The following GLDC variants were observed in gnomAD, a reference collection of about 807,000 sequenced individuals.
The protein encoded by GLDC is glycine dehydrogenase (decarboxylating), mitochondrial.
A neutral mutation model predicts 121.3 loss-of-function variants in GLDC; 104 were observed. The observed-to-expected ratio is 0.86, with a 90% CI of 0.73 to 1.01. The LOEUF (loss-of-function observed/expected upper bound fraction) is 1.01, where lower values mean the gene tolerates loss of function less well. Ranked by LOEUF, GLDC falls within the 50% of genes least tolerant of loss-of-function variation. The probability of loss-of-function intolerance (pLI) is 0.00; values close to 1 mark genes in which losing one functional copy is unlikely to be tolerated. For missense variants in GLDC, 1,429 were observed against 1,306.6 expected (o/e 1.09, Z -1.44); for synonymous variants, 546 against 480.6 (o/e 1.14, Z -1.78).
chr9:6,615,064 T>G (rs889065539), intron 3 of GLDC, among the ~76,000 whole-genome samples: 1 of 152,158 alleles, frequency 6.6e-6, no homozygotes, highest in Non-Finnish European at 1.5e-5. Context: ...TGAACTGGGA[T>G]AAATAACTAA....
At chr9:6,636,395 A>C (rs1819503379) in intron 2 of GLDC, among the ~76,000 whole-genome samples, 1 of 151,902 alleles carries the variant, frequency 6.6e-6, no homozygotes, top group Non-Finnish European at 1.5e-5. Context: ...ATAATGGGAG[A>C]CTCTACGCTT....
chr9:6,533,633 C>T (rs1817047397), intron 24 of GLDC, among the ~76,000 whole-genome samples: 1 of 151,958 alleles, frequency 6.6e-6, no homozygotes, highest in Non-Finnish European at 1.5e-5. Context: ...CCAAGGCAGG[C>T]AGATCAGCTG....
Position 6,619,229 on chromosome 9 carries a change from C to T in GLDC, c.470+955G>A, listed in dbSNP as rs1819030800. Among the ~76,000 whole-genome samples the T allele has an allele frequency of 4.9e-5, 7 of 144,064 alleles. No individual in the cohort carries two copies. In the South Asian group the frequency reaches 1.6e-3, roughly 32 times the overall value. The allele number at this position is 144,064 out of a possible 152,430, so 94.5% of individuals were successfully genotyped here. A position where few individuals can be genotyped will look rare whatever the true frequency, so the allele number is the denominator to read the frequency against. ...GTTGAGGTAAGACTGGAATAAGTAA[C>T]TGAGCATGCATAGCTCAGGCCTCTC... On this transcript the variant is annotated intron_variant, in intron 3 of 24. Transcript: ENST00000321612.
Position 6,592,840 on chromosome 9 carries a change from AT to A in GLDC, c.1401+10del, listed in dbSNP as rs781057882. The A allele has an allele frequency of 3.7e-6, 6 of 1,611,656 alleles. No individual in the cohort carries two copies. The highest frequency in any genetic ancestry group is 1.7e-5 in the Admixed American group (1 of 60,006). The stretch of plus-strand genomic sequence containing the variant: ...TGAAAAACTGGTAAAAATACTGAAA[AT>A]TTGACTTACTGTGCCATCCTCAAAA... On this transcript the variant is annotated intron_variant, in intron 10 of 24. Coordinates refer to ENST00000321612, the MANE Select transcript of GLDC (RefSeq NM_000170.3).
At chr9:6,594,833 AAAAG>A (rs1266839363) in intron 9 of GLDC, among the ~76,000 whole-genome samples, 177 bp downstream of exon 9, 4 of 131,530 alleles carry the variant, frequency 3.0e-5, no homozygotes, top group African/African-American at 1.1e-4. Context: ...GAAAGAAAGA[AAAAG>A]AAAGAGAAAG....
At chr9:6,560,839 G>A (rs754594825) in intron 16 of GLDC, among the ~76,000 whole-genome samples, 1 of 152,178 alleles carries the variant, frequency 6.6e-6, no homozygotes, top group Non-Finnish European at 1.5e-5. Context: ...TGGGATTAAG[G>A]TAAAGAAAGA....
intron 2 of GLDC, among the ~76,000 whole-genome samples, chr9:6,637,871 T>G: frequency 6.8e-6 from 1 of 147,542 alleles, no homozygotes; most frequent in Non-Finnish European, 1.5e-5. Context: ...TTTACTTTTT[T>G]TTTTTCAAAG....
At chr9:6,580,387 A>AT (rs1818150322) in intron 15 of GLDC, among the ~76,000 whole-genome samples, 1 of 152,200 alleles carries the variant, frequency 6.6e-6, no homozygotes, top group East Asian at 1.9e-4. Flanking sequence ...GACACCCAGA[A>AT]CCAGGGATTC....
chr9:6,559,819 A>C (rs957795115), intron 16 of GLDC, among the ~76,000 whole-genome samples: 3 of 152,138 alleles, frequency 2.0e-5, no homozygotes, highest in Admixed American at 6.5e-5. Context: ...CGTCTCAAAA[A>C]AAAAAAATAG....
intron 1 of GLDC, 94 bp downstream of exon 1, chr9:6,645,151 G>T: frequency 7.8e-7 from 1 of 1,275,404 alleles, no homozygotes; most frequent in Non-Finnish European, 1.1e-6. Context: ...CACGCGGAGC[G>T]CAGCAGAGCT....
intron 18 of GLDC, 65 bp downstream of exon 18, chr9:6,556,086 ATT>A (rs113823772): frequency 2.5e-4 from 270 of 1,085,556 alleles, no homozygotes; most frequent in Non-Finnish European, 2.9e-4. Context: ...AGAAGTCAGA[ATT>A]TTTTTTTTTT....
At chr9:6,577,529 C>T (rs1050626402) in intron 15 of GLDC, among the ~76,000 whole-genome samples, 3 of 152,182 alleles carry the variant, frequency 2.0e-5, no homozygotes, top group Admixed American at 2.0e-4. Context: ...ATGTTCTCCA[C>T]CATAAAAATA....
chr9:6,584,582 C>G (rs557449547), intron 15 of GLDC, among the ~76,000 whole-genome samples: 1 of 152,258 alleles, frequency 6.6e-6, no homozygotes, highest in South Asian at 2.1e-4. Context: ...TGTGGTGTAT[C>G]CCTTCCTTTT....
chr9:6,620,460 A>G (rs1819068768), intron 2 of GLDC, 141 bp from the exon 3 acceptor site: 1 of 738,714 alleles, frequency 1.4e-6, no homozygotes, highest in Non-Finnish European at 2.4e-6. Context: ...TCCAACCAAC[A>G]CTAAGTACTG....
At chr9:6,570,893 T>TA (rs1009572163) in intron 15 of GLDC, among the ~76,000 whole-genome samples, 3 of 151,754 alleles carry the variant, frequency 2.0e-5, no homozygotes, top group Non-Finnish European at 4.4e-5. Context: ...GGTATGTTTT[T>TA]AAAAAAAATA....
intron 2 of GLDC, among the ~76,000 whole-genome samples, chr9:6,630,541 A>G (rs1819354663): frequency 1.3e-5 from 2 of 152,126 alleles, no homozygotes; most frequent in South Asian, 2.1e-4. Context: ...CAACACACTC[A>G]TATTTGAATT....
intron 20 of GLDC, among the ~76,000 whole-genome samples, chr9:6,552,608 G>T (rs543042726): frequency 6.6e-6 from 1 of 152,270 alleles, no homozygotes; most frequent in South Asian, 2.1e-4. Flanking sequence ...GATTGGCATA[G>T]CTGCGTTTTG....
intron 2 of GLDC, among the ~76,000 whole-genome samples, chr9:6,623,705 T>C (rs187393761): frequency 6.6e-6 from 1 of 152,320 alleles, no homozygotes; most frequent in East Asian, 1.9e-4. Context: ...ATGAGTAATA[T>C]AATCTAACTA....
chr9:6,586,314 T>G (rs1219570122), intron 15 of GLDC, among the ~76,000 whole-genome samples: 1 of 151,864 alleles, frequency 6.6e-6, no homozygotes, highest in Non-Finnish European at 1.5e-5. Context: ...AATAAATAAA[T>G]AAAAATAAAA....
Sources: gnomAD v4.1 joint callset for allele counts (sites outside exome capture counted in the v4.1 genomes callset) on GRCh38, gnomAD v4.1.1 for gene constraint, MANE v1.5 for transcripts, NCBI Gene and HGNC (gene_info 2026-07-23, HGNC 2026-07-21) for gene names.